SH3KBP1: variants seen among roughly 807,000 people sequenced by gnomAD.
SH3KBP1 encodes SH3 domain-containing kinase-binding protein 1.
SH3KBP1 carries 8 observed loss-of-function variants against 50.1 expected under a neutral mutation model. That is an observed-to-expected ratio of 0.16 (90% CI 0.09 to 0.29). The LOEUF is 0.29. Among genes scored for constraint, SH3KBP1 ranks in the 10% least tolerant of loss-of-function variants. The pLI, the probability that SH3KBP1 is intolerant of heterozygous loss-of-function variation, is 1.00. For missense variants in SH3KBP1, 377 were observed against 535.2 expected, an observed-to-expected ratio of 0.70 and a Z score of 2.92; for synonymous variants, 227 against 218.6, an observed-to-expected ratio of 1.04 and a Z score of -0.34.
At chrX:19,797,920 C>T (rs2066769097) in intron 2 of SH3KBP1, among the ~76,000 whole-genome samples, 2 of 109,880 alleles carry the variant, frequency 1.8e-5, no homozygotes, top group African/African-American at 6.6e-5. Flanking sequence ...CACACACACA[C>T]ACACGAAAGG....
chrX:19,865,693 G>T (rs2068888090), intron 1 of SH3KBP1, among the ~76,000 whole-genome samples: 1 of 112,091 alleles, frequency 8.9e-6, no homozygotes, highest in Admixed American at 9.5e-5. Context: ...CTGGGAAGCA[G>T]CATATGGCTC....
intron 1 of SH3KBP1, among the ~76,000 whole-genome samples, chrX:19,883,634 A>G (rs2069505418): frequency 9.0e-6 from 1 of 111,577 alleles, no homozygotes; most frequent in Admixed American, 9.5e-5. Flanking sequence ...TGTTGAACAG[A>G]AACAATTCCC....
intron 7 of SH3KBP1, among the ~76,000 whole-genome samples, chrX:19,643,300 A>ATTTTTTTTTTTTTT (rs201544483): frequency 1.0e-4 from 9 of 86,908 alleles, no homozygotes; most frequent in African/African-American, 4.0e-4. Context: ...AAACTGAAGA[A>ATTTTTTTTTTTTTT]TTTTTTATTT....
At chrX:19,588,550 C>T (rs1326826313) in intron 12 of SH3KBP1, 93 bp downstream of exon 12, 1 of 1,211,059 alleles carries the variant, frequency 8.3e-7, no homozygotes, top group Non-Finnish European at 1.1e-6. Context: ...TTCTCCTCTC[C>T]CTTCCTCCCA....
At chrX:19,605,627 C>T (rs2067222312) in intron 9 of SH3KBP1, among the ~76,000 whole-genome samples, 1 of 111,461 alleles carries the variant, frequency 9.0e-6, no homozygotes, top group Non-Finnish European at 1.9e-5. Context: ...ATCAAGTGTC[C>T]TTTCAGAAGA....
At chrX:19,669,424 C>A (rs1440905112) in intron 6 of SH3KBP1, among the ~76,000 whole-genome samples, 1 of 109,661 alleles carries the variant, frequency 9.1e-6, no homozygotes, top group Non-Finnish European at 1.9e-5. Context: ...GGAGCACTTA[C>A]CAGTGCAACA....
In SH3KBP1 at chrX:19,887,292, G is replaced by A; in HGVS notation, c.4+15C>T. 3.1e-6 allele frequency: 3 copies of A among 976,362 alleles called. No individual in the cohort carries two copies. The highest frequency in any genetic ancestry group is 2.0e-5 in the African/African-American group (1 of 49,455). 80.5% of individuals were successfully genotyped at this position (976,362 alleles called of 1,213,427 possible). On this transcript the variant is annotated intron_variant, in intron 1 of 17. Coordinates refer to ENST00000397821, the MANE Select transcript of SH3KBP1 (RefSeq NM_031892.3). ...GGCTGAAGTGGACGCCCGGACGCGGGCGGCCCCCACTCACCCATTGGCGTC... is the reference window on the plus strand; with the variant it reads ...GGCTGAAGTGGACGCCCGGACGCGGACGGCCCCCACTCACCCATTGGCGTC...
At chrX:19,832,707 GCCAAA>G (rs2067932433) in intron 2 of SH3KBP1, among the ~76,000 whole-genome samples, 4 of 111,329 alleles carry the variant, frequency 3.6e-5, no homozygotes, top group Non-Finnish European at 5.7e-5. Flanking sequence ...CTTCCCTTGA[GCCAAA>G]GCCCATGGGA....
intron 3 of SH3KBP1, among the ~76,000 whole-genome samples, chrX:19,724,626 A>C (rs1257028385): frequency 8.9e-6 from 1 of 112,880 alleles, no homozygotes; most frequent in African/African-American, 3.2e-5. Context: ...CTGTGTGCCA[A>C]TAAAACTTGA....
intron 3 of SH3KBP1, among the ~76,000 whole-genome samples, chrX:19,736,316 TC>T (rs774760795): frequency 2.1e-4 from 24 of 112,128 alleles, no homozygotes; most frequent in Non-Finnish European, 3.9e-4. Flanking sequence ...CAAGAGCATT[TC>T]CTTGTTTTAC....
In SH3KBP1 at chrX:19,704,203, G is replaced by A. The variant is rs183366162; in HGVS notation, c.390+2678C>T. On this transcript the variant is annotated intron_variant, in intron 4 of 17. Transcript: ENST00000397821. ...CTATTTGAAGCAAGTCCAGAATGAC[G>A]AACAGGATTTAGCTGGCAGCGAATA... 8.9e-5 allele frequency among the ~76,000 whole-genome samples: 10 copies of A among 112,093 alleles called. No individual in the cohort carries two copies. The East Asian group carries it at 2.5e-3, about 28-fold the overall frequency.
Position 19,692,691 on chromosome X carries a change from T to TA in SH3KBP1, c.520+2920_520+2921insT, listed in dbSNP as rs1569422988. 1.2e-3 allele frequency among the ~76,000 whole-genome samples: 100 copies of TA among 81,158 alleles called. 1 individual carries two copies. Among genetic ancestry groups the TA allele is most frequent in the African/African-American group, 3.7e-3 (74 of 19,895 alleles). 70.5% of individuals were successfully genotyped at this position (81,158 alleles called of 115,157 possible). On this transcript the variant is annotated intron_variant, in intron 5 of 17. Transcript: ENST00000397821. Reference sequence around the variant, plus strand: ...TGTGTATGTATATATATATATATATTTTTTTTTTTTTTTAATAGTCTCTTT... The same window carrying TA: ...TGTGTATGTATATATATATATATATTATTTTTTTTTTTTTAATAGTCTCTTT...
At chrX:19,541,389 C>T (rs776038219) in intron 16 of SH3KBP1, among the ~76,000 whole-genome samples, 51 of 111,754 alleles carry the variant, frequency 4.6e-4, no homozygotes, top group African/African-American at 1.7e-3. Flanking sequence ...ACCCCCACTG[C>T]CCCGCCCCGC....
chrX:19,756,023 G>A (rs1012671017), intron 2 of SH3KBP1, among the ~76,000 whole-genome samples: 1 of 110,644 alleles, frequency 9.0e-6, no homozygotes, highest in African/African-American at 3.3e-5. Flanking sequence ...GAGTCTTGCC[G>A]ATGCTCCTGG....
intron 7 of SH3KBP1, among the ~76,000 whole-genome samples, chrX:19,643,758 C>A (rs1292237040): frequency 1.8e-5 from 2 of 111,393 alleles, no homozygotes; most frequent in African/African-American, 6.5e-5. Context: ...AATGCAGAAA[C>A]CTTCCCCTCT....
chrX:19,750,926 G>A (rs2065047514), intron 2 of SH3KBP1, among the ~76,000 whole-genome samples: 1 of 111,389 alleles, frequency 9.0e-6, no homozygotes, highest in Non-Finnish European at 1.9e-5. Flanking sequence ...AGGCCACAAA[G>A]CTAGCAAGGG....
chrX:19,561,778 A>G lies in SH3KBP1; in HGVS notation c.1384+7325T>C, dbSNP rs1269011453. On this transcript the variant is annotated intron_variant, in intron 13 of 17. Transcript: ENST00000397821. ...TGTTTATTTTGAATGTGCATCATTAATAAAAGAAAAATCAAGCCGTCTCCC... is the reference window on the plus strand; with the variant it reads ...TGTTTATTTTGAATGTGCATCATTAGTAAAAGAAAAATCAAGCCGTCTCCC... Among the ~76,000 whole-genome samples the G allele has an allele frequency of 2.7e-5, 3 of 111,128 alleles. No individual in the cohort carries two copies. In the East Asian group the frequency reaches 8.4e-4, roughly 31 times the overall value.
chrX:19,642,643 T>C (rs2061887035), intron 7 of SH3KBP1, among the ~76,000 whole-genome samples: 1 of 111,915 alleles, frequency 8.9e-6, no homozygotes, highest in Non-Finnish European at 1.9e-5. Context: ...CACAAATCTG[T>C]ATCAATTATA....
intron 2 of SH3KBP1, among the ~76,000 whole-genome samples, chrX:19,820,737 T>C (rs1158613414): frequency 9.0e-6 from 1 of 111,469 alleles, no homozygotes; most frequent in Non-Finnish European, 1.9e-5. Flanking sequence ...TTATTTGTTT[T>C]CTGTTTGTTC....
Sources: allele counts gnomAD v4.1 joint callset (sites outside exome capture counted in the v4.1 genomes callset), GRCh38; gene constraint gnomAD v4.1.1; transcripts MANE v1.5; gene names NCBI Gene and HGNC (gene_info 2026-07-23, HGNC 2026-07-21).